Variants in DNTTIP2 observed in about 807,000 individuals in gnomAD.
DNTTIP2 encodes deoxynucleotidyltransferase terminal interacting protein 2, also known as deoxynucleotidyltransferase terminal-interacting protein 2.
A neutral mutation model predicts 62.4 loss-of-function variants in DNTTIP2; 47 were observed. That is an observed-to-expected ratio of 0.75 (90% CI 0.60 to 0.96). The LOEUF is 0.96. DNTTIP2 is among the 40% of genes least tolerant of loss of function. The pLI, the probability that DNTTIP2 is intolerant of heterozygous loss-of-function variation, is 0.00. For synonymous variants in DNTTIP2, 322 were observed against 300.9 expected (o/e 1.07, Z -0.73); for missense variants, 870 against 849.1 (o/e 1.02, Z -0.31).
In DNTTIP2 at chr1:93,879,141, A is replaced by G; in HGVS notation, c.8T>C (p.Val3Ala). ...GGCCTTAGCCCGTGCAGATCTGGTA[A>G]CCACCATCTTTCCGGCTCCCTCGCG... MV[V>A]TRSARAKASI... Residue 3 changes from valine (V) to alanine (A), a missense_variant, in exon 1 of 7, where the codon GTT becomes GCT. Transcript: ENST00000436063. 2 of 1,612,992 alleles carry G rather than the reference A, an allele frequency of 1.2e-6. No individual in the cohort carries two copies. Among genetic ancestry groups the G allele is most frequent in the South Asian group, 2.2e-5 (2 of 91,066 alleles).
At position 93,877,054 on chromosome 1, in the gene DNTTIP2, T is replaced by A. The variant is rs1195829776; in HGVS notation, c.881A>T (p.Gln294Leu). 1 of 1,612,328 alleles carries A rather than the reference T, an allele frequency of 6.2e-7. No individual in the cohort carries two copies. Among genetic ancestry groups the A allele is most frequent in the African/African-American group, 1.3e-5 (1 of 75,066 alleles). ...ANVESLKETK[Q>L]NCKDLDEDAN... ...ATCTTCATCCAAATCCTTACAATTC[T>A]GTTTTGTTTCTTTAAGAGATTCAAC... Residue 294 changes from glutamine to leucine, a missense_variant, in exon 2 of 7, where the codon CAG becomes CTG. Coordinates refer to ENST00000436063, the MANE Select transcript of DNTTIP2 (RefSeq NM_014597.5).
rs746794635 is a variant in DNTTIP2 at position 93,877,092 on chromosome 1, G to A, written c.843C>T (p.His281=). 2.5e-6 allele frequency: 4 copies of A among 1,611,262 alleles called. No homozygotes were observed. The highest frequency in any genetic ancestry group is 3.4e-6 in the Non-Finnish European group (4 of 1,179,758). The part of the protein sequence containing the change: ...HRSSENILTV[H]EQANVESLKE... ...TAAGAGATTCAACATTGGCCTGTTCGTGCACTGTTAATATATTTTCTGAAC... is the reference window on the plus strand; with the variant it reads ...TAAGAGATTCAACATTGGCCTGTTCATGCACTGTTAATATATTTTCTGAAC... Residue 281 remains histidine, a synonymous_variant, in exon 2 of 7, where the codon CAC becomes CAT. Transcript: ENST00000436063.
At chr1:93,878,317 C>CA (rs1348431867) in intron 1 of DNTTIP2, among the ~76,000 whole-genome samples, 2 of 152,014 alleles carry the variant, frequency 1.3e-5, no homozygotes, top group Non-Finnish European at 2.9e-5. Context: ...AACAAACAAA[C>CA]AAAAAAATCA....
chr1:93,876,765 C>G lies in DNTTIP2; in HGVS notation c.1170G>C (p.Lys390Asn). 6.2e-7 allele frequency: 1 copy of G among 1,613,980 alleles called. No homozygotes were observed. Among genetic ancestry groups the G allele is most frequent in the Non-Finnish European group, 8.5e-7 (1 of 1,179,874 alleles). Residue 390 changes from lysine to asparagine, a missense_variant, in exon 2 of 7, where the codon AAG (lysine) becomes AAC (asparagine). By Grantham distance (94) the Lys-to-Asn change is moderately conservative. Coordinates refer to ENST00000436063, the MANE Select transcript of DNTTIP2 (RefSeq NM_014597.5). ...CATCACTACCACCACAATCACCAAA[C>G]TTTGTCAAGTCACTTGCTTTTATGG... ...KSPIKASDLTKFGDCGGSDDE... is the reference protein window; with the variant it reads ...KSPIKASDLTNFGDCGGSDDE...
rs1203041901 is a variant in DNTTIP2, at chr1:93,869,577, T to A, written c.*274A>T. ...AAATTTTCTTTAAATAACTAAGCAT[T>A]GAAAACTTTACAAACCATCAGTTAT... On this transcript the variant is annotated 3_prime_UTR_variant, in exon 7 of 7. Transcript: ENST00000436063. 5 of 318,388 alleles carry A rather than the reference T, an allele frequency of 1.6e-5. No individual in the cohort carries two copies. Among genetic ancestry groups the A allele is most frequent in the Non-Finnish European group, 1.2e-5 (2 of 169,878 alleles). 19.7% of individuals were successfully genotyped at this position (318,388 alleles called of 1,614,324 possible).
At chr1:93,870,306 T>G (rs1163576759) in intron 6 of DNTTIP2, among the ~76,000 whole-genome samples, 1 of 152,184 alleles carries the variant, frequency 6.6e-6, no homozygotes, top group Non-Finnish European at 1.5e-5. Context: ...TATATATATT[T>G]CTTAGAAGCG....
rs750306219 is a variant in DNTTIP2 at position 93,870,695 on chromosome 1, G to C, written c.2165C>G (p.Ser722Cys). The C allele has an allele frequency of 3.4e-5, 52 of 1,546,428 alleles. No homozygotes were observed. Among genetic ancestry groups the C allele is most frequent in the Non-Finnish European group, 4.0e-5 (46 of 1,141,324 alleles). The change falls in exon 6 of 7, where the codon TCT (serine) becomes TGT (cysteine). Residue 722 changes from serine to cysteine, a missense_variant. Ser to Cys is a moderately radical substitution (Grantham distance 112, BLOSUM62 -1). Coordinates refer to ENST00000436063, the MANE Select transcript of DNTTIP2 (RefSeq NM_014597.5). ...TGAATTCCTTTACCTTCTGAATTCA[G>C]AATCAGCCAGCAGTTCTTCCACAAT... is the stretch of plus-strand genomic sequence containing the variant. ...RTIVEELLADSEFRRYNRRKY... is the reference protein window; with the variant it reads ...RTIVEELLADCEFRRYNRRKY...
In DNTTIP2 at chr1:93,876,299, C is replaced by A. The variant is rs1366516985; in HGVS notation, c.1636G>T (p.Glu546Ter). The change falls in exon 2 of 7, where the codon GAA becomes TAA. Residue 546 changes from glutamate to a stop codon, truncating the protein, a stop_gained. Coordinates refer to ENST00000436063, the MANE Select transcript of DNTTIP2 (RefSeq NM_014597.5). LOFTEE classifies it high-confidence loss of function. ...DENEDEFSDEEDFLNSTKAKL... is the reference protein window; with the variant it reads ...DENEDEFSDE Reference sequence around the variant, plus strand: ...GCCTTTGTGCTATTTAGGAAGTCTTCTTCATCACTAAACTCATCTTCATTT... The same window carrying A: ...GCCTTTGTGCTATTTAGGAAGTCTTATTCATCACTAAACTCATCTTCATTT... The A allele has an allele frequency of 6.5e-7, 1 of 1,546,714 alleles. No homozygotes were observed. The highest frequency in any genetic ancestry group is 1.2e-5 in the South Asian group (1 of 83,058).
rs1261422829 is a variant in DNTTIP2 at position 93,875,730 on chromosome 1, C to T, written c.1721G>A (p.Gly574Asp). 7 of 1,613,198 alleles carry T rather than the reference C, an allele frequency of 4.3e-6. No individual in the cohort carries two copies. The highest frequency in any genetic ancestry group is 4.0e-5 in the African/African-American group (3 of 74,860). The change falls in exon 3 of 7, where the codon GGT (glycine) becomes GAT (aspartate). Residue 574 changes from glycine (G) to aspartate (D), a missense_variant. Gly to Asp is a moderately conservative substitution (Grantham distance 94). Coordinates refer to ENST00000436063, the MANE Select transcript of DNTTIP2 (RefSeq NM_014597.5). ...IDPGLSIKQL[G>D]GLYINFNADK... Reference sequence around the variant, plus strand: ...TGCATTAAAATTAATATACAAACCACCCAACTGCTTGATACTCAGACCAGG... The same window carrying T: ...TGCATTAAAATTAATATACAAACCATCCAACTGCTTGATACTCAGACCAGG...
In DNTTIP2 at chr1:93,869,155, T is replaced by C. The variant is rs1655792503; in HGVS notation, c.*696A>G. 6.6e-6 allele frequency: 1 copy of C among 152,208 alleles called. No homozygotes were observed. Among genetic ancestry groups the C allele is most frequent in the Non-Finnish European group, 1.5e-5 (1 of 68,054 alleles). The allele number at this position is 152,208 out of a possible 1,614,324, so 9.4% of individuals were successfully genotyped here. ...AAACCAGCTTAGCCAGGGTGCATAC[T>C]GTACCACTGGAGAAGAGGTAAGCTG... On this transcript the variant is annotated 3_prime_UTR_variant, in exon 7 of 7. Coordinates refer to ENST00000436063, the MANE Select transcript of DNTTIP2 (RefSeq NM_014597.5).
chr1:93,869,769 A>C lies in DNTTIP2; in HGVS notation c.*82T>G. ...GGGCCAGTCTATGGTAAATTAATTT[A>C]GATGATGGTGTTAGTTTTCCAAACG... On this transcript the variant is annotated 3_prime_UTR_variant, in exon 7 of 7. Coordinates refer to ENST00000436063, the MANE Select transcript of DNTTIP2 (RefSeq NM_014597.5). The C allele has an allele frequency of 1.4e-6, 1 of 705,678 alleles. No individual in the cohort carries two copies. Among genetic ancestry groups the C allele is most frequent in the Non-Finnish European group, 2.6e-6 (1 of 378,198 alleles). 43.7% of individuals were successfully genotyped at this position (705,678 alleles called of 1,614,324 possible).
Position 93,876,392 on chromosome 1 carries a change from C to A in DNTTIP2, c.1543G>T (p.Ala515Ser). Residue 515 changes from alanine (A) to serine (S), a missense_variant, in exon 2 of 7, where the codon GCC (alanine) becomes TCC (serine). Coordinates refer to ENST00000436063, the MANE Select transcript of DNTTIP2 (RefSeq NM_014597.5). ...TCCTCTTCTTTTTCTTCCTCAATGG[C>A]AACCTCACTTGCCTTGTCTTCCTCT... ...LEEEDKASEVAIEEEKEEEED... is the reference protein window; with the variant it reads ...LEEEDKASEVSIEEEKEEEED... The A allele has an allele frequency of 6.3e-7, 1 of 1,599,256 alleles. No homozygotes were observed. The highest frequency in any genetic ancestry group is 8.5e-7 in the Non-Finnish European group (1 of 1,171,988).
chr1:93,876,650 A>T lies in DNTTIP2; in HGVS notation c.1285T>A (p.Ser429Thr). Residue 429 changes from serine (S) to threonine (T), a missense_variant, in exon 2 of 7, where the codon TCT becomes ACT. Ser to Thr is a moderately conservative substitution (Grantham distance 58). Coordinates refer to ENST00000436063, the MANE Select transcript of DNTTIP2 (RefSeq NM_014597.5). ...TTACCCTGAGATGTGTTGGGCGCAGACGTGTATAGTTTGGTATCACATTCA... is the reference window on the plus strand; with the variant it reads ...TTACCCTGAGATGTGTTGGGCGCAGTCGTGTATAGTTTGGTATCACATTCA... Reference protein sequence around the residue: ...DFECDTKLYTSAPNTSQGKDN... With the variant: ...DFECDTKLYTTAPNTSQGKDN... 6.2e-7 allele frequency: 1 copy of T among 1,614,038 alleles called. No homozygotes were observed. The highest frequency in any genetic ancestry group is 8.5e-7 in the Non-Finnish European group (1 of 1,179,894).
chr1:93,873,352 G>C (rs1434924255), intron 3 of DNTTIP2, 138 bp from the exon 4 acceptor site: 1 of 590,272 alleles, frequency 1.7e-6, no homozygotes, highest in East Asian at 3.3e-5. Flanking sequence ...GTGCTTTGAG[G>C]AGGCCAAGGG....
Position 93,873,231 on chromosome 1 carries a change from T to A in DNTTIP2, c.1807-17A>T. The A allele has an allele frequency of 6.3e-7, 1 of 1,575,652 alleles. No homozygotes were observed. Among genetic ancestry groups the A allele is most frequent in the Non-Finnish European group, 8.7e-7 (1 of 1,149,328 alleles). On this transcript the variant is annotated splice_polypyrimidine_tract_variant and intron_variant, in intron 3 of 6. Transcript: ENST00000436063. ...CTGCAGAAGCTATAAAAACATAAAA[T>A]TGGTTTTAAAATAATGTCAGAATGT...
chr1:93,871,218 ATAAAATT>A (rs1655853592), intron 5 of DNTTIP2, among the ~76,000 whole-genome samples: 1 of 152,236 alleles, frequency 6.6e-6, no homozygotes, highest in Non-Finnish European at 1.5e-5. Flanking sequence ...ACTCAACTGA[ATAAAATT>A]TACAGTGATC....
In DNTTIP2 at chr1:93,877,354, G is replaced by A. The variant is rs1656038028; in HGVS notation, c.581C>T (p.Ser194Leu). 3.7e-6 allele frequency: 6 copies of A among 1,613,600 alleles called. No homozygotes were observed. In the South Asian group the frequency reaches 5.5e-5, roughly 15 times the overall value. Residue 194 changes from serine (S) to leucine (L), a missense_variant, in exon 2 of 7, where the codon TCA (serine) becomes TTA (leucine). By Grantham distance (145) the Ser-to-Leu change is moderately radical. Coordinates refer to ENST00000436063, the MANE Select transcript of DNTTIP2 (RefSeq NM_014597.5). ...SDAETSSSDI[S>L]FSGIATRRTR... ...TCTTCTAGTTGCAATTCCAGAGAAT[G>A]AAATGTCTGAGCTTGATGTCTCAGC...
In DNTTIP2 at chr1:93,869,040, G is replaced by A. The variant is rs1655790065; in HGVS notation, c.*811C>T. On this transcript the variant is annotated 3_prime_UTR_variant, in exon 7 of 7. Coordinates refer to ENST00000436063, the MANE Select transcript of DNTTIP2 (RefSeq NM_014597.5). ...TGATATCTCAAGGAAGCAGTATGCT[G>A]GAAAAATAGAGGTAAAGTGAATAGT... The A allele has an allele frequency of 6.6e-6, 1 of 152,006 alleles. No homozygotes were observed. The highest frequency in any genetic ancestry group is 1.5e-5 in the Non-Finnish European group (1 of 68,012). 9.4% of individuals were successfully genotyped at this position (152,006 alleles called of 1,614,324 possible).
At chr1:93,877,927 T>C (rs1050484773) in intron 1 of DNTTIP2, 65 bp from the exon 2 acceptor site, 7 of 1,501,330 alleles carry the variant, frequency 4.7e-6, no homozygotes, top group Non-Finnish European at 6.2e-6. Flanking sequence ...GCAAATGAAA[T>C]ACTGACCCCA....
Sources: gnomAD v4.1 joint callset for allele counts (sites outside exome capture counted in the v4.1 genomes callset) on GRCh38, gnomAD v4.1.1 for gene constraint, MANE v1.5 for transcripts, NCBI Gene and HGNC (gene_info 2026-07-23, HGNC 2026-07-21) for gene names.